Variants in AKAP13 observed in about 807,000 individuals in gnomAD.
AKAP13 encodes the protein A-kinase anchor protein 13.
Under a neutral mutation model 264.5 loss-of-function variants are expected in AKAP13, and 80 were observed. That is an observed-to-expected ratio of 0.30 (90% CI 0.25 to 0.36). The LOEUF is 0.36. Among genes scored for constraint, AKAP13 ranks in the 10% least tolerant of loss-of-function variants. AKAP13 has a pLI of 1.00. For missense variants in AKAP13, 3,712 were observed against 3,435.2 expected (o/e 1.08, Z -2.01); for synonymous variants, 1,380 against 1,250.2 (o/e 1.10, Z -2.19).
In AKAP13 at chr15:85,741,235, A is replaced by G; in HGVS notation, c.7798A>G (p.Arg2600Gly). The stretch of plus-strand genomic sequence containing the variant: ...GGCCCAGTACCTCGAGGAGAAGCGC[A>G]GGCGCGAGCGTGAGTGGGAAGCTCG... ...QQAQYLEEKR[R>G]REREWEARER... The change falls in exon 35 of 37, where the codon AGG becomes GGG. Residue 2600 changes from arginine to glycine, a missense_variant. Transcript: ENST00000394518. The G allele has an allele frequency of 6.2e-7, 1 of 1,609,198 alleles. No individual in the cohort carries two copies. The highest frequency in any genetic ancestry group is 1.3e-5 in the African/African-American group (1 of 74,968).
intron 8 of AKAP13, chr15:85,634,995 C>G (rs2082012333): frequency 2.5e-6 from 1 of 397,412 alleles, no homozygotes. Context: ...TGGACTGTTT[C>G]TAGTTTGGAG....
At chr15:85,466,226 T>A (rs1186508449) in intron 1 of AKAP13, among the ~76,000 whole-genome samples, 3 of 151,748 alleles carry the variant, frequency 2.0e-5, no homozygotes, top group Admixed American at 1.3e-4. Flanking sequence ...TAAATTTGTT[T>A]GAGTTCATTG....
intron 5 of AKAP13, among the ~76,000 whole-genome samples, chr15:85,545,997 C>A (rs1254633325): frequency 6.6e-6 from 1 of 152,076 alleles, no homozygotes; most frequent in Non-Finnish European, 1.5e-5. Context: ...TTTCTCCAGC[C>A]CCTGATAACC....
intron 8 of AKAP13, among the ~76,000 whole-genome samples, chr15:85,604,545 C>T (rs1278689056): frequency 2.0e-5 from 3 of 151,636 alleles, no homozygotes; most frequent in Non-Finnish European, 4.4e-5. Flanking sequence ...CTCATTGCAA[C>T]CTCTGCCTCC....
intron 1 of AKAP13, among the ~76,000 whole-genome samples, chr15:85,477,655 A>T (rs549164896): frequency 9.7e-4 from 148 of 151,922 alleles, no homozygotes; most frequent in African/African-American, 3.4e-3. Context: ...AAAAAAAAAA[A>T]AAAGGCAGAG....
intron 29 of AKAP13, among the ~76,000 whole-genome samples, chr15:85,729,579 T>C (rs981029282): frequency 8.6e-5 from 13 of 152,014 alleles, no homozygotes; most frequent in African/African-American, 2.9e-4. Flanking sequence ...ATTATCAGCA[T>C]ATAGAAGGTC....
At chr15:85,553,354 C>G (rs1331128733) in intron 5 of AKAP13, among the ~76,000 whole-genome samples, 15 of 152,158 alleles carry the variant, frequency 9.9e-5, no homozygotes, top group Non-Finnish European at 1.3e-4. Flanking sequence ...TCCCAAAGTG[C>G]TGGGATTACA....
chr15:85,418,232 T>A, intron 1 of AKAP13, among the ~76,000 whole-genome samples: 1 of 152,004 alleles, frequency 6.6e-6, no homozygotes, highest in East Asian at 1.9e-4. Context: ...TGCGCCACCA[T>A]GCCTGTCTAA....
At chr15:85,725,334 A>G (rs2087550542) in intron 26 of AKAP13, among the ~76,000 whole-genome samples, 1 of 151,984 alleles carries the variant, frequency 6.6e-6, no homozygotes, top group African/African-American at 2.4e-5. Flanking sequence ...CACTGATCAT[A>G]TAAACTTCAA....
intron 2 of AKAP13, among the ~76,000 whole-genome samples, chr15:85,486,890 C>T (rs1205566628): frequency 6.6e-6 from 1 of 151,876 alleles, no homozygotes; most frequent in African/African-American, 2.4e-5. Flanking sequence ...AGGTGCCTGC[C>T]ACCACTCCTG....
intron 8 of AKAP13, among the ~76,000 whole-genome samples, chr15:85,603,409 A>G (rs2080179794): frequency 6.6e-6 from 1 of 152,268 alleles, no homozygotes; most frequent in Non-Finnish European, 1.5e-5. Context: ...AAAGGCAAGT[A>G]ACATCTTACC....
At chr15:85,655,309 C>T (rs1024176340) in intron 10 of AKAP13, 108 bp from the exon 11 acceptor site, 5 of 1,401,212 alleles carry the variant, frequency 3.6e-6, no homozygotes, top group Non-Finnish European at 3.8e-6. Context: ...CAATTATGAT[C>T]TTACCTGCCT....
chr15:85,428,140 C>T (rs1001044431), intron 1 of AKAP13, among the ~76,000 whole-genome samples: 3 of 152,170 alleles, frequency 2.0e-5, no homozygotes, highest in African/African-American at 7.2e-5. Flanking sequence ...TGCTTTTCCT[C>T]CTGTATAAAG....
chr15:85,685,751 C>T (rs568968302), intron 16 of AKAP13, among the ~76,000 whole-genome samples: 1 of 152,024 alleles, frequency 6.6e-6, no homozygotes. Flanking sequence ...TGCAGGCTTC[C>T]GAAGCCCTGG....
At chr15:85,562,393 C>T (rs1158471819) in intron 5 of AKAP13, among the ~76,000 whole-genome samples, 6 of 150,904 alleles carry the variant, frequency 4.0e-5, no homozygotes, top group Admixed American at 6.6e-5. Context: ...GGCGAAACCC[C>T]GTCTCTACTA....
chr15:85,671,886 G>A (rs2083951324), intron 14 of AKAP13, among the ~76,000 whole-genome samples: 2 of 152,146 alleles, frequency 1.3e-5, no homozygotes, highest in Non-Finnish European at 2.9e-5. Flanking sequence ...AACAGAATGT[G>A]TCCCATAGAG....
chr15:85,508,463 G>C (rs920038400), intron 2 of AKAP13, among the ~76,000 whole-genome samples: 1 of 151,738 alleles, frequency 6.6e-6, no homozygotes, highest in Non-Finnish European at 1.5e-5. Flanking sequence ...TTTTTTAAAG[G>C]TAAGGGGTTG....
At chr15:85,397,787 G>A (rs77614763) in intron 1 of AKAP13, among the ~76,000 whole-genome samples, 1,600 of 152,280 alleles carry the variant, frequency 0.011, 12 homozygotes, top group Non-Finnish European at 0.016. Context: ...AGGGATTGAG[G>A]AATAAACAAA....
At chr15:85,512,848 T>C (rs2076480693) in intron 2 of AKAP13, among the ~76,000 whole-genome samples, 1 of 151,712 alleles carries the variant, frequency 6.6e-6, no homozygotes, top group Non-Finnish European at 1.5e-5. Flanking sequence ...TATGTATGTA[T>C]GTATGTATGT....
Sources: allele counts gnomAD v4.1 joint callset (sites outside exome capture counted in the v4.1 genomes callset), GRCh38; gene constraint gnomAD v4.1.1; transcripts MANE v1.5; gene names NCBI Gene and HGNC (gene_info 2026-07-23, HGNC 2026-07-21).